Variants in HIBCH observed in about 807,000 individuals in gnomAD.
The protein encoded by HIBCH is 3-hydroxyisobutyryl-CoA hydrolase, also known as 3-hydroxyisobutyryl-CoA hydrolase, mitochondrial.
HIBCH carries 50 observed loss-of-function variants against 58.2 expected under a neutral mutation model. The ratio of observed to expected loss-of-function variants is 0.86; its 90% confidence interval spans 0.68 to 1.09. The LOEUF (loss-of-function observed/expected upper bound fraction) is 1.09, where lower values mean the gene tolerates loss of function less well. HIBCH is among the 50% of genes least tolerant of loss of function. The pLI is 0.00. For missense variants in HIBCH, 450 were observed against 449.7 expected (o/e 1.00, Z -0.01); for synonymous variants, 151 against 146.9 (o/e 1.03, Z -0.20).
At chr2:190,196,803 T>G (rs1689999927) in intron 1 of HIBCH, among the ~76,000 whole-genome samples, 1 of 152,176 alleles carries the variant, frequency 6.6e-6, no homozygotes, top group Non-Finnish European at 1.5e-5. Context: ...CTGGCTTCTT[T>G]TGTGCTATAA....
chr2:190,279,756 A>G lies in HIBCH; in HGVS notation c.438+7830T>C, dbSNP rs1161008270. ...CATGCTTATACTGGTCCAAGCAAGC[A>G]TTAGGTCATAGCCTGTTCCTCTTCC... On this transcript the variant is annotated intron_variant, in intron 6 of 13. Transcript: ENST00000359678. This position sits in a 1 kb window ranked among gnomAD's most constrained non-coding sequence, Gnocchi z 4.2. 5.5e-6 allele frequency: 1 copy of G among 182,836 alleles called. No homozygotes were observed. The highest frequency in any genetic ancestry group is 1.1e-5 in the Non-Finnish European group (1 of 92,280). 11.3% of individuals were successfully genotyped at this position (182,836 alleles called of 1,614,324 possible). A position where few individuals can be genotyped will look rare whatever the true frequency, so the allele number is the denominator to read the frequency against.
At position 190,236,680 on chromosome 2, in the gene HIBCH, T is replaced by C. The variant is rs543616162; in HGVS notation, c.891+8207A>G. The stretch of plus-strand genomic sequence containing the variant: ...CCTTCAAAACATGGCACTAATATTC[T>C]TTTTTGTATCTACAATAAAAGGCTT... On this transcript the variant is annotated intron_variant, in intron 11 of 13. Coordinates refer to ENST00000359678, the MANE Select transcript of HIBCH (RefSeq NM_014362.4). This position sits in a 1 kb window ranked among gnomAD's most constrained non-coding sequence, Gnocchi z 4.1. Among the ~76,000 whole-genome samples the C allele has an allele frequency of 1.3e-5, 2 of 152,318 alleles. No individual in the cohort carries two copies. The highest frequency in any genetic ancestry group is 4.1e-4 in the South Asian group (2 of 4,826).
In HIBCH at chr2:190,216,314, G is replaced by A. The variant is rs557983995; in HGVS notation, c.892-3239C>T. On this transcript the variant is annotated intron_variant, in intron 11 of 13. Transcript: ENST00000359678. The surrounding 1 kb of genome is among the most constrained non-coding windows in gnomAD (Gnocchi z 4.2). ...GATCAGGAGCAGTGGGTTGCCTATG[G>A]ATGGCTGTCAGAAGGCGGCAGAAAG... Among the ~76,000 whole-genome samples the A allele has an allele frequency of 2.6e-4, 40 of 152,328 alleles. No individual in the cohort carries two copies. The highest frequency in any genetic ancestry group is 9.1e-4 in the African/African-American group (38 of 41,578).
At chr2:190,283,596 T>C (rs1687760200) in intron 6 of HIBCH, among the ~76,000 whole-genome samples, 1 of 152,162 alleles carries the variant, frequency 6.6e-6, no homozygotes, top group South Asian at 2.1e-4. Flanking sequence ...ATATTGTAAA[T>C]ATTCCAAAAT....
chr2:190,316,695 A>G (rs1030111127), intron 1 of HIBCH, among the ~76,000 whole-genome samples: 1 of 152,150 alleles, frequency 6.6e-6, no homozygotes, highest in South Asian at 2.1e-4. Context: ...GCATCTTTCA[A>G]TGCTTCCTTC....
chr2:190,258,805 G>A (rs1375767870), intron 7 of HIBCH, among the ~76,000 whole-genome samples: 3 of 152,104 alleles, frequency 2.0e-5, no homozygotes, highest in East Asian at 3.8e-4. Flanking sequence ...AATATAATAT[G>A]AGGTATGGGT....
At chr2:190,276,285 C>G (rs181646077) in intron 6 of HIBCH, among the ~76,000 whole-genome samples, 1 of 152,216 alleles carries the variant, frequency 6.6e-6, no homozygotes, top group Admixed American at 6.5e-5. Context: ...TATGTAAATG[C>G]CCCTACTTAC....
In HIBCH at chr2:190,206,545, G is replaced by A. The variant is rs138629570; in HGVS notation, c.1046-1313C>T. ...GTGCCATGTAGGCAGCTCAGGTTTT[G>A]CAAGTCTCCTGAGATAGCCACTACA... On this transcript the variant is annotated intron_variant, in intron 13 of 13. Transcript: ENST00000359678. The surrounding 1 kb of genome is among the most constrained non-coding windows in gnomAD (Gnocchi z 5.1). Among the ~76,000 whole-genome samples the A allele has an allele frequency of 6.6e-6, 1 of 152,152 alleles. No individual in the cohort carries two copies. The highest frequency in any genetic ancestry group is 1.5e-5 in the Non-Finnish European group (1 of 68,036).
intron 1 of HIBCH, among the ~76,000 whole-genome samples, chr2:190,196,858 C>T (rs1426520826): frequency 2.0e-5 from 3 of 152,154 alleles, no homozygotes; most frequent in Admixed American, 2.0e-4. Context: ...GTGTCTTAGT[C>T]CATTCAGGAT....
In HIBCH at chr2:190,224,427, G is replaced by C. The variant is rs186455569; in HGVS notation, c.892-11352C>G. ...GAGACACACACAGGCTTAAAATAAA[G>C]GGATGGAGGAAGATCTACCAAGCAA... On this transcript the variant is annotated intron_variant, in intron 11 of 13. Coordinates refer to ENST00000359678, the MANE Select transcript of HIBCH (RefSeq NM_014362.4). 2.4e-3 allele frequency among the ~76,000 whole-genome samples: 368 copies of C among 152,242 alleles called. 1 individual carries two copies. The highest frequency in any genetic ancestry group is 8.6e-3 in the African/African-American group (356 of 41,524).
intron 6 of HIBCH, among the ~76,000 whole-genome samples, chr2:190,287,184 C>G (rs1687851545): frequency 6.6e-6 from 1 of 152,080 alleles, no homozygotes; most frequent in African/African-American, 2.4e-5. Flanking sequence ...GCCTCAACCT[C>G]CTGAGTAGCT....
downstream of HIBCH, chr2:190,200,225 A>T: frequency 8.5e-7 from 1 of 1,180,910 alleles, no homozygotes; most frequent in South Asian, 1.4e-5. Flanking sequence ...CTGGTGTGAA[A>T]AAGTACAAAT....
chr2:190,296,757 C>CTATT (rs1688113037), intron 3 of HIBCH, 56 bp downstream of exon 3: 4 of 1,440,928 alleles, frequency 2.8e-6, no homozygotes, highest in East Asian at 2.3e-5. Flanking sequence ...CAGAAATGTC[C>CTATT]TATTATGATA....
At chr2:190,296,745 A>G (rs1688112551) in intron 3 of HIBCH, 68 bp downstream of exon 3, 5 of 1,380,326 alleles carry the variant, frequency 3.6e-6, no homozygotes, top group South Asian at 1.2e-5. Context: ...GGGAGAAAAT[A>G]CCAGAAATGT....
chr2:190,212,555 T>G (rs752833946), intron 12 of HIBCH, among the ~76,000 whole-genome samples: 2 of 152,232 alleles, frequency 1.3e-5, no homozygotes, highest in Non-Finnish European at 1.5e-5. Context: ...GACTAATAAC[T>G]TCCATTTGTG....
chr2:190,270,989 G>A (rs1466515470), intron 6 of HIBCH, among the ~76,000 whole-genome samples: 1 of 151,770 alleles, frequency 6.6e-6, no homozygotes, highest in Non-Finnish European at 1.5e-5. Flanking sequence ...ACAAATAATT[G>A]AGAGAAAATA....
intron 2 of HIBCH, among the ~76,000 whole-genome samples, chr2:190,298,617 C>T (rs1441136118): frequency 6.6e-6 from 1 of 150,806 alleles, no homozygotes; most frequent in Non-Finnish European, 1.5e-5. Context: ...AATTTAAGTT[C>T]CTTGGAGATT....
At chr2:190,199,607 CA>C (rs1318170476), downstream of HIBCH, 2 of 704,278 alleles carry the variant, frequency 2.8e-6, no homozygotes, top group Non-Finnish European at 4.0e-6. Flanking sequence ...TCCATGTGAC[CA>C]AAGTGATGAA....
At position 190,207,667 on chromosome 2, in the gene HIBCH, T is replaced by C. The variant is rs1041380704; in HGVS notation, c.1045+1213A>G. Among the ~76,000 whole-genome samples the C allele has an allele frequency of 3.9e-5, 6 of 152,020 alleles. No homozygotes were observed. Among genetic ancestry groups the C allele is most frequent in the African/African-American group, 1.2e-4 (5 of 41,384 alleles). ...AGTCCAAGGCAGCCAGATCACATAATATCAGGAGTTCAAGACCAGCCTGGC... is the reference window on the plus strand; with the variant it reads ...AGTCCAAGGCAGCCAGATCACATAACATCAGGAGTTCAAGACCAGCCTGGC... On this transcript the variant is annotated intron_variant, in intron 13 of 13. Coordinates refer to ENST00000359678, the MANE Select transcript of HIBCH (RefSeq NM_014362.4). This position sits in a 1 kb window ranked among gnomAD's most constrained non-coding sequence, Gnocchi z 4.5.
Sources: gnomAD v4.1 joint callset for allele counts (sites outside exome capture counted in the v4.1 genomes callset) on GRCh38, gnomAD v4.1.1 for gene constraint, Gnocchi (gnomAD v3.1) non-coding constraint, MANE v1.5 for transcripts, NCBI Gene and HGNC (gene_info 2026-07-23, HGNC 2026-07-21) for gene names.